OTULIN: variants seen among roughly 807,000 people sequenced by gnomAD.
OTULIN encodes the protein ubiquitin thioesterase otulin.
In OTULIN, 15 loss-of-function variants were observed where a neutral mutation model predicts 39.6. That is an observed-to-expected ratio of 0.38 (90% confidence interval 0.25 to 0.58). The LOEUF is 0.58. Ranked by LOEUF, OTULIN falls within the 20% of genes least tolerant of loss-of-function variation. The pLI, the probability that OTULIN is intolerant of heterozygous loss-of-function variation, is 0.66. For synonymous variants in OTULIN, 156 were observed against 170.3 expected (o/e 0.92, Z 0.65); for missense variants, 319 against 445.9 (o/e 0.72, Z 2.56).
At chr5:14,678,279 G>C (rs528564035) in intron 2 of OTULIN, among the ~76,000 whole-genome samples, 1 of 152,198 alleles carries the variant, frequency 6.6e-6, no homozygotes, top group Non-Finnish European at 1.5e-5. Flanking sequence ...TGTAGCTGGG[G>C]CTGGAGCCCA....
the OTULIN span, chr5:14,712,931 G>A: frequency 6.2e-6 from 10 of 1,613,522 alleles, no homozygotes; most frequent in African/African-American, 1.2e-4. Flanking sequence ...CTCCCACAAA[G>A]CCCGCCAGGA....
the OTULIN span, chr5:14,708,235 C>CA: frequency 6.6e-6 from 1 of 152,196 alleles, no homozygotes; most frequent in South Asian, 2.1e-4. Flanking sequence ...CTTACTATTT[C>CA]CTATGCTTTG....
chr5:14,713,478 T>C, the OTULIN span: 1 of 1,600,954 alleles, frequency 6.2e-7, no homozygotes, highest in African/African-American at 1.3e-5. The surrounding 1 kb of genome is among the most constrained non-coding windows in gnomAD (Gnocchi z 4.4). Flanking sequence ...ATGTAGCTGT[T>C]AAACCTCTGG....
the OTULIN span, chr5:14,713,065 C>G: frequency 7.9e-7 from 1 of 1,265,874 alleles, no homozygotes; most frequent in Non-Finnish European, 1.1e-6. The surrounding 1 kb of genome is among the most constrained non-coding windows in gnomAD (Gnocchi z 4.4). Flanking sequence ...AGTGTAGCCT[C>G]GAGACGGCTG....
At chr5:14,706,843 A>G in the OTULIN span, 3 of 152,128 alleles carry the variant, frequency 2.0e-5, no homozygotes, top group Non-Finnish European at 4.4e-5. Context: ...ATGCTTTCCT[A>G]CGGTTTGAGT....
the OTULIN span, among the ~76,000 whole-genome samples, chr5:14,716,182 T>C: frequency 6.6e-6 from 1 of 152,236 alleles, no homozygotes; most frequent in Non-Finnish European, 1.5e-5. Flanking sequence ...TCCTTTTTAC[T>C]GTTTTTGTAA....
chr5:14,685,415 G>T lies in OTULIN; in HGVS notation c.469-2106G>T, dbSNP rs560484614. The stretch of plus-strand genomic sequence containing the variant: ...TGCTTAAATTTTCTTTATTCTAATA[G>T]AAGTCCAGTTTGTGCTTAGTGGAAA... On this transcript the variant is annotated intron_variant, in intron 4 of 6. Transcript: ENST00000284274. 3.9e-5 allele frequency among the ~76,000 whole-genome samples: 6 copies of T among 152,264 alleles called. No homozygotes were observed. In the South Asian group the frequency reaches 1.2e-3, roughly 32 times the overall value.
At chr5:14,672,186 T>C (rs938339287) in intron 1 of OTULIN, among the ~76,000 whole-genome samples, 2 of 152,102 alleles carry the variant, frequency 1.3e-5, no homozygotes, top group African/African-American at 2.4e-5. Flanking sequence ...ATCACAGATG[T>C]ATGGGCACAT....
At chr5:14,709,526 T>C in the OTULIN span, 1 of 152,212 alleles carries the variant, frequency 6.6e-6, no homozygotes, top group African/African-American at 2.4e-5. Flanking sequence ...TGCCCTTGCA[T>C]TCTTTTTTGC....
chr5:14,675,704 C>G (rs1384429987), intron 2 of OTULIN, among the ~76,000 whole-genome samples: 2 of 152,222 alleles, frequency 1.3e-5, no homozygotes, highest in African/African-American at 2.4e-5. Flanking sequence ...TAGCTTTAGT[C>G]TGAGAGTGAA....
Position 14,682,605 on chromosome 5 carries a change from A to G in OTULIN, c.468+998A>G, listed in dbSNP as rs180726976. On this transcript the variant is annotated intron_variant, in intron 4 of 6. Coordinates refer to ENST00000284274, the MANE Select transcript of OTULIN (RefSeq NM_138348.6). ...AGCCGTGGGAGATTGGCCTTATAGCAATTTATGAAAAGAAAGAAAAAGATG... is the reference window on the plus strand; with the variant it reads ...AGCCGTGGGAGATTGGCCTTATAGCGATTTATGAAAAGAAAGAAAAAGATG... 2.0e-5 allele frequency among the ~76,000 whole-genome samples: 3 copies of G among 152,348 alleles called. No individual in the cohort carries two copies. In the East Asian group the frequency reaches 5.8e-4, roughly 29 times the overall value.
chr5:14,695,973 A>G lies in OTULIN; in HGVS notation c.*2925A>G, dbSNP rs1434547274. 6.8e-6 allele frequency: 1 copy of G among 148,080 alleles called. No homozygotes were observed. Among genetic ancestry groups the G allele is most frequent in the Non-Finnish European group, 1.5e-5 (1 of 67,548 alleles). The allele number at this position is 148,080 out of a possible 1,614,324, so 9.2% of individuals were successfully genotyped here. On this transcript the variant is annotated 3_prime_UTR_variant, in exon 7 of 7. Coordinates refer to ENST00000284274, the MANE Select transcript of OTULIN (RefSeq NM_138348.6). ...GATAAGATTTTCTTTGCTTAAGGAG[A>G]ACGGACATTGCCTTGGTATGTTTTT...
intron 2 of OTULIN, chr5:14,673,983 C>T (rs532359060): frequency 1.3e-5 from 3 of 223,870 alleles, no homozygotes; most frequent in African/African-American, 6.9e-5. Flanking sequence ...TGACACCGTC[C>T]TCTCTCAGTT....
intron 1 of OTULIN, among the ~76,000 whole-genome samples, chr5:14,671,994 G>C (rs529622200): frequency 2.2e-4 from 33 of 152,210 alleles, no homozygotes; most frequent in African/African-American, 7.7e-4. Flanking sequence ...TATACATACA[G>C]CTAATAAGGA....
the OTULIN span, chr5:14,709,707 A>G: frequency 2.0e-5 from 3 of 152,618 alleles, no homozygotes; most frequent in Non-Finnish European, 4.4e-5. Flanking sequence ...TGAGCCTTAC[A>G]TTCAAATGCA....
At chr5:14,706,272 A>G in the OTULIN span, 43 of 152,354 alleles carry the variant, frequency 2.8e-4, no homozygotes, top group Admixed American at 5.2e-4. Flanking sequence ...AAAAGTGCAT[A>G]TATCTTATGC....
At chr5:14,691,612 TCAA>T (rs1736529593) in intron 6 of OTULIN, among the ~76,000 whole-genome samples, 2 of 152,020 alleles carry the variant, frequency 1.3e-5, no homozygotes, top group Non-Finnish European at 2.9e-5. Flanking sequence ...TTTTTTTTTT[TCAA>T]TAAGAAATTT....
chr5:14,702,896 T>C (rs1736826230), downstream of OTULIN, among the ~76,000 whole-genome samples: 1 of 152,258 alleles, frequency 6.6e-6, no homozygotes, highest in Admixed American at 6.5e-5. Flanking sequence ...GTCATTTTTC[T>C]GTGTTGAAAG....
At chr5:14,670,400 G>C (rs42410) in intron 1 of OTULIN, among the ~76,000 whole-genome samples, 116,475 of 152,100 alleles carry the variant, frequency 0.77, 45,897 homozygotes, top group South Asian at 0.89. Flanking sequence ...AAAAATTAAA[G>C]CAAAAGTTTA....
Sources: allele counts gnomAD v4.1 joint callset (sites outside exome capture counted in the v4.1 genomes callset), GRCh38; gene constraint gnomAD v4.1.1; non-coding constraint Gnocchi (gnomAD v3.1); transcripts MANE v1.5; gene names NCBI Gene and HGNC (gene_info 2026-07-23, HGNC 2026-07-21).